Variants in ABCA13 observed in about 807,000 individuals in gnomAD.
The protein encoded by ABCA13 is ATP-binding cassette sub-family A member 13.
Under a neutral mutation model 478.7 loss-of-function variants are expected in ABCA13, and 476 were observed. That is an observed-to-expected ratio of 0.99 (90% CI 0.92 to 1.07). ABCA13 has a LOEUF of 1.07. ABCA13 is among the 50% of genes least tolerant of loss of function. The pLI is 0.00. For missense variants in ABCA13, 6,060 were observed against 5,910.6 expected, an observed-to-expected ratio of 1.03 and a Z score of -0.83; for synonymous variants, 2,252 against 2,158.9, an observed-to-expected ratio of 1.04 and a Z score of -1.20.
At chr7:48,412,899 C>T (rs905957555) in intron 41 of ABCA13, among the ~76,000 whole-genome samples, 7 of 151,516 alleles carry the variant, frequency 4.6e-5, no homozygotes, top group Non-Finnish European at 4.4e-5. Flanking sequence ...GCAAGCTCTG[C>T]CTCCCGGGTT....
At chr7:48,593,523 A>G (rs1789977534) in intron 57 of ABCA13, among the ~76,000 whole-genome samples, 1 of 152,088 alleles carries the variant, frequency 6.6e-6, no homozygotes, top group Non-Finnish European at 1.5e-5. Flanking sequence ...TAATCTGAAT[A>G]TTACCATTAT....
In ABCA13 at chr7:48,342,962, T is replaced by C. The variant is rs1991861; in HGVS notation, c.10204+4507T>C. ...TTAGCTCTCTGGTGAAAGTCTATTT[T>C]CATCTAATTTTGGACACAATACTCA... On this transcript the variant is annotated intron_variant, in intron 29 of 61. Coordinates refer to ENST00000435803, the MANE Select transcript of ABCA13 (RefSeq NM_152701.5). Among the ~76,000 whole-genome samples the C allele has an allele frequency of 1.5e-3, 235 of 152,252 alleles. 2 individuals carry two copies. The highest frequency in any genetic ancestry group is 2.5e-3 in the Non-Finnish European group (167 of 68,004).
At chr7:48,294,470 C>T (rs1277548711) in intron 20 of ABCA13, among the ~76,000 whole-genome samples, 1 of 138,720 alleles carries the variant, frequency 7.2e-6, no homozygotes, top group Non-Finnish European at 1.5e-5. Context: ...GACGGAGTCT[C>T]GCTCTGTCGC....
chr7:48,239,722 C>T (rs576410773), intron 9 of ABCA13, among the ~76,000 whole-genome samples: 1 of 152,354 alleles, frequency 6.6e-6, no homozygotes, highest in African/African-American at 2.4e-5. Flanking sequence ...AGTACTATGA[C>T]CAGCTCTTTG....
chr7:48,617,431 T>TC, intron 59 of ABCA13, among the ~76,000 whole-genome samples: 1 of 152,110 alleles, frequency 6.6e-6, no homozygotes. Flanking sequence ...TATGGCTGAA[T>TC]TTGGGCAGGG....
chr7:48,500,453 C>A (rs1215236144), intron 48 of ABCA13, among the ~76,000 whole-genome samples: 1 of 151,942 alleles, frequency 6.6e-6, no homozygotes, highest in Non-Finnish European at 1.5e-5. Context: ...AGAAAATATC[C>A]ATTATTTATT....
rs188044820 is a variant in ABCA13 at position 48,568,188 on chromosome 7, C to T, written c.14355-12036C>T. Reference sequence around the variant, plus strand: ...ACCAATTAACAATCATTCTCCATTGCGTCCCCCCATTGTCAACCATTAATT... The same window carrying T: ...ACCAATTAACAATCATTCTCCATTGTGTCCCCCCATTGTCAACCATTAATT... On this transcript the variant is annotated intron_variant, in intron 55 of 61. Transcript: ENST00000435803. 5.3e-3 allele frequency among the ~76,000 whole-genome samples: 810 copies of T among 152,164 alleles called. 6 individuals carry two copies. Among genetic ancestry groups the T allele is most frequent in the Non-Finnish European group, 8.1e-3 (552 of 67,944 alleles).
At chr7:48,420,189 T>TA (rs1354101966) in intron 41 of ABCA13, among the ~76,000 whole-genome samples, 2 of 152,212 alleles carry the variant, frequency 1.3e-5, no homozygotes, top group Non-Finnish European at 2.9e-5. Flanking sequence ...GCTCTTCAGC[T>TA]AAAAAGCATA....
At chr7:48,544,037 AATTAC>A (rs1250448108) in intron 55 of ABCA13, among the ~76,000 whole-genome samples, 1 of 151,726 alleles carries the variant, frequency 6.6e-6, no homozygotes, top group Non-Finnish European at 1.5e-5. Flanking sequence ...TATATTTAAC[AATTAC>A]ATTAATTACA....
rs1459145343 is a variant in ABCA13 at position 48,272,420 on chromosome 7, C to G, written c.2754C>G (p.Asn918Lys). Residue 918 changes from asparagine to lysine, a missense_variant, in exon 17 of 62, where the codon AAC (asparagine) becomes AAG (lysine). Transcript: ENST00000435803. The stretch of plus-strand genomic sequence containing the variant: ...AGGAACAGATCTCAGAAGCTCTGAA[C>G]ACAGTCTACGCTATCAGGAATGCAT... Reference protein sequence around the residue: ...LEQEQISEALNTVYAIRNASD... With the variant: ...LEQEQISEALKTVYAIRNASD... 1.2e-6 allele frequency: 2 copies of G among 1,613,676 alleles called. No homozygotes were observed. Among genetic ancestry groups the G allele is most frequent in the Non-Finnish European group, 1.7e-6 (2 of 1,179,776 alleles).
At chr7:48,265,433 TTTTGTCTTCTTTG>T (rs1794744365) in intron 15 of ABCA13, among the ~76,000 whole-genome samples, 1 of 151,542 alleles carries the variant, frequency 6.6e-6, no homozygotes, top group African/African-American at 2.4e-5. Context: ...TCTCCATTTA[TTTTGTCTTCTTTG>T]TTTTTCCTTA....
chr7:48,429,466 G>A lies in ABCA13; in HGVS notation c.12565+1595G>A, dbSNP rs184379005. Reference sequence around the variant, plus strand: ...CTGTTTTGATTACAGACACTTTAGTGGATGTGACACACACCTTAGTGTGTA... The same window carrying A: ...CTGTTTTGATTACAGACACTTTAGTAGATGTGACACACACCTTAGTGTGTA... On this transcript the variant is annotated intron_variant, in intron 42 of 61. Transcript: ENST00000435803. Among the ~76,000 whole-genome samples the A allele has an allele frequency of 2.0e-3, 309 of 152,304 alleles. 5 individuals are homozygous for A. The highest frequency in any genetic ancestry group is 5.6e-4 in the Non-Finnish European group (38 of 68,018).
intron 41 of ABCA13, among the ~76,000 whole-genome samples, chr7:48,427,222 G>A (rs5028268): frequency 0.27 from 41,591 of 151,826 alleles, 5,786 homozygotes; most frequent in East Asian, 0.37. Context: ...AATAAACTGA[G>A]GTTGGACTTC....
At chr7:48,605,571 A>G (rs1791383681) in intron 58 of ABCA13, among the ~76,000 whole-genome samples, 1 of 152,208 alleles carries the variant, frequency 6.6e-6, no homozygotes, top group Admixed American at 6.5e-5. Flanking sequence ...GGGTTTCTGC[A>G]GAGAGATCCA....
At chr7:48,176,142 A>C (rs1290692252) in intron 1 of ABCA13, among the ~76,000 whole-genome samples, 1 of 152,002 alleles carries the variant, frequency 6.6e-6, no homozygotes, top group Non-Finnish European at 1.5e-5. Context: ...TCTGTTCTGA[A>C]TCTTGCCTCC....
intron 58 of ABCA13, among the ~76,000 whole-genome samples, chr7:48,614,806 G>A (rs1195456147): frequency 4.1e-5 from 6 of 144,732 alleles, no homozygotes; most frequent in Non-Finnish European, 7.6e-5. Context: ...AACACCGCAT[G>A]TTCTCACTCA....
intron 23 of ABCA13, among the ~76,000 whole-genome samples, chr7:48,298,738 G>T (rs1214617998): frequency 6.6e-6 from 1 of 152,216 alleles, no homozygotes; most frequent in African/African-American, 2.4e-5. Flanking sequence ...TTTGGAGTTA[G>T]AACAAAGTTG....
In ABCA13 at chr7:48,647,051, A is replaced by G. The variant is rs935914978; in HGVS notation, c.*1539A>G. ...GACATTTCTCAACATTCTTTTAACAACATTTTTCTGAATCCTCAATAGAAA... is the reference window on the plus strand; with the variant it reads ...GACATTTCTCAACATTCTTTTAACAGCATTTTTCTGAATCCTCAATAGAAA... On this transcript the variant is annotated 3_prime_UTR_variant, in exon 62 of 62. Coordinates refer to ENST00000435803, the MANE Select transcript of ABCA13 (RefSeq NM_152701.5). 6.6e-6 allele frequency: 1 copy of G among 152,170 alleles called. No individual in the cohort carries two copies. The highest frequency in any genetic ancestry group is 1.5e-5 in the Non-Finnish European group (1 of 68,022). 9.4% of individuals were successfully genotyped at this position (152,170 alleles called of 1,614,324 possible).
At chr7:48,607,906 C>T (rs927360815) in intron 58 of ABCA13, among the ~76,000 whole-genome samples, 4 of 151,946 alleles carry the variant, frequency 2.6e-5, no homozygotes, top group Admixed American at 6.6e-5. Flanking sequence ...ATTTTTGGAC[C>T]GTCTCATTCT....
Sources: allele counts gnomAD v4.1 joint callset (sites outside exome capture counted in the v4.1 genomes callset), GRCh38; gene constraint gnomAD v4.1.1; transcripts MANE v1.5; gene names NCBI Gene and HGNC (gene_info 2026-07-23, HGNC 2026-07-21).